The following FRY variants were observed in gnomAD, a reference collection of about 807,000 sequenced individuals.
The protein encoded by FRY is protein furry homolog.
In FRY, 128 loss-of-function variants were observed where a neutral mutation model predicts 348.4. That is an observed-to-expected ratio of 0.37 (90% confidence interval 0.32 to 0.43). The LOEUF is 0.43. FRY is among the 20% of genes least tolerant of loss of function. FRY has a pLI of 1.00. For synonymous variants in FRY, 1,370 were observed against 1,374.7 expected (o/e 1.00, Z 0.08); for missense variants, 2,736 against 3,695.2 (o/e 0.74, Z 6.73).
At chr13:32,294,864 C>G (rs1194494952) in intron 60 of FRY, among the ~76,000 whole-genome samples, 2 of 151,988 alleles carry the variant, frequency 1.3e-5, no homozygotes, top group African/African-American at 4.8e-5. Context: ...TGGTTTTGCC[C>G]CTACATTCTG....
chr13:32,161,332 C>T (rs1487559070), intron 17 of FRY, 81 bp downstream of exon 17: 1 of 923,058 alleles, frequency 1.1e-6, no homozygotes, highest in Non-Finnish European at 1.8e-6. Context: ...TGGTAGTTTA[C>T]AATTAACAAA....
rs751820687 is a variant in FRY, at chr13:32,274,772, C to T, written c.8137-70C>T. ...AATATAAAAAAAGAAGCTACCCCTC[C>T]CCCAAAATATGTTTTATCATATATA... On this transcript the variant is annotated intron_variant, in intron 55 of 60. Coordinates refer to ENST00000542859, the MANE Select transcript of FRY (RefSeq NM_023037.3). 25 of 1,118,496 alleles carry T rather than the reference C, an allele frequency of 2.2e-5. No individual in the cohort carries two copies. The Admixed American group carries it at 3.3e-4, about 15-fold the overall frequency. 69.3% of individuals were successfully genotyped at this position (1,118,496 alleles called of 1,614,324 possible).
At chr13:32,176,653 C>T (rs914653249) in intron 20 of FRY, among the ~76,000 whole-genome samples, 11 of 152,158 alleles carry the variant, frequency 7.2e-5, no homozygotes, top group Non-Finnish European at 1.2e-4. Flanking sequence ...GTTTAATGTA[C>T]GTATCCTACT....
intron 5 of FRY, 98 bp downstream of exon 5, chr13:32,124,474 C>A (rs1878902607): frequency 1.1e-6 from 1 of 873,578 alleles, no homozygotes. Flanking sequence ...TTTCTGAATT[C>A]CAAATACTGG....
At position 32,234,689 on chromosome 13, in the gene FRY, G is replaced by C. The variant is rs1290326160; in HGVS notation, c.5643G>C (p.Leu1881=). ...FQIFRALKQP[L]SAHALSDLLS... ...TATTCCGGGCCCTCAAGCAACCTCT[G>C]TCAGCACATGCCTTATCTGACCTTC... The change falls in exon 42 of 61, where the codon CTG becomes CTC. Residue 1881 remains leucine (L), a synonymous_variant. Coordinates refer to ENST00000542859, the MANE Select transcript of FRY (RefSeq NM_023037.3). 6.2e-7 allele frequency: 1 copy of C among 1,614,100 alleles called. No individual in the cohort carries two copies. The highest frequency in any genetic ancestry group is 8.5e-7 in the Non-Finnish European group (1 of 1,180,018).
chr13:32,127,552 C>T (rs556118985), intron 7 of FRY, among the ~76,000 whole-genome samples: 18 of 152,000 alleles, frequency 1.2e-4, no homozygotes, highest in African/African-American at 1.9e-4. Context: ...CCAAGGTGGG[C>T]GGATCACAAG....
chr13:32,200,401 ACT>A (rs1487274800), intron 29 of FRY, among the ~76,000 whole-genome samples: 1 of 152,188 alleles, frequency 6.6e-6, no homozygotes, highest in African/African-American at 2.4e-5. Context: ...AATAGCAGTA[ACT>A]CACCTTCTAC....
intron 29 of FRY, among the ~76,000 whole-genome samples, chr13:32,194,968 TAG>T (rs1883588404): frequency 6.6e-6 from 1 of 152,318 alleles, no homozygotes; most frequent in South Asian, 2.1e-4. Flanking sequence ...AATATTCATA[TAG>T]AGTGTCAATT....
At chr13:32,194,058 T>C (rs1344880159) in intron 28 of FRY, 85 bp from the exon 29 acceptor site, 1 of 1,324,578 alleles carries the variant, frequency 7.5e-7, no homozygotes, top group Non-Finnish European at 1.1e-6. Context: ...TTACTCAGTT[T>C]ATATTGACTA....
In FRY at chr13:32,234,746, T is replaced by C. The variant is rs1886132786; in HGVS notation, c.5700T>C (p.His1900=). 1.2e-6 allele frequency: 2 copies of C among 1,614,092 alleles called. No individual in the cohort carries two copies. Among genetic ancestry groups the C allele is most frequent in the Non-Finnish European group, 1.7e-6 (2 of 1,179,928 alleles). Residue 1900 remains histidine, a synonymous_variant, in exon 42 of 61, where the codon CAT becomes CAC. Coordinates refer to ENST00000542859, the MANE Select transcript of FRY (RefSeq NM_023037.3). ...GATTGGTGGAGGTGATAGGAGAACA[T>C]GGAGATGAGATTCAGGTATGGAAGG... is the stretch of plus-strand genomic sequence containing the variant. ...LSRLVEVIGE[H]GDEIQGYVME...
chr13:32,233,023 G>A (rs558543891), intron 41 of FRY, among the ~76,000 whole-genome samples: 1 of 152,114 alleles, frequency 6.6e-6, no homozygotes, highest in South Asian at 2.1e-4. Context: ...AATAGGTTAA[G>A]TAAACAAACC....
intron 53 of FRY, 89 bp downstream of exon 53, chr13:32,262,564 C>A: frequency 2.1e-6 from 2 of 968,984 alleles, no homozygotes; most frequent in South Asian, 1.3e-5. Flanking sequence ...CTTAAGGGGT[C>A]TCAAGTAGAA....
intron 59 of FRY, among the ~76,000 whole-genome samples, chr13:32,290,754 G>A (rs930132793): frequency 1.1e-4 from 16 of 151,986 alleles, no homozygotes; most frequent in African/African-American, 3.9e-4. Flanking sequence ...TGGGACAGAA[G>A]CGCTAGGTAT....
chr13:32,247,226 T>G, intron 47 of FRY, 97 bp from the exon 48 acceptor site: 2 of 981,970 alleles, frequency 2.0e-6, no homozygotes, highest in Non-Finnish European at 3.2e-6. Context: ...GTCAGTGAAT[T>G]CTGACTGGTC....
chr13:32,180,072 T>C (rs920930302), intron 23 of FRY, among the ~76,000 whole-genome samples: 2 of 152,242 alleles, frequency 1.3e-5, no homozygotes, highest in Non-Finnish European at 2.9e-5. Context: ...AAAATGAAGA[T>C]AGTTCAGTAT....
intron 55 of FRY, among the ~76,000 whole-genome samples, chr13:32,268,721 C>G (rs1457828142): frequency 6.6e-6 from 1 of 151,308 alleles, no homozygotes; most frequent in Non-Finnish European, 1.5e-5. Context: ...GTCGCCCATG[C>G]TGGAGTGCAG....
chr13:32,179,598 A>C lies in FRY; in HGVS notation c.2872-77A>C, dbSNP rs966020605. 2.7e-6 allele frequency: 4 copies of C among 1,490,860 alleles called. No homozygotes were observed. In the African/African-American group the frequency reaches 5.6e-5, roughly 21 times the overall value. The allele number at this position is 1,490,860 out of a possible 1,614,324, so 92.4% of individuals were successfully genotyped here. On this transcript the variant is annotated intron_variant, in intron 22 of 60. Coordinates refer to ENST00000542859, the MANE Select transcript of FRY (RefSeq NM_023037.3). ...TGGTTCAGTACTTTGAAACTGTTAT[A>C]ATGGGATCATCCTTTGATTAAAGGA... is the stretch of plus-strand genomic sequence containing the variant.
At chr13:32,284,212 T>C (rs1276127739) in intron 58 of FRY, among the ~76,000 whole-genome samples, 2 of 152,240 alleles carry the variant, frequency 1.3e-5, no homozygotes, top group Non-Finnish European at 2.9e-5. Context: ...TACAATAATT[T>C]ATATTTAGCC....
At chr13:32,138,625 A>G (rs553941199) in intron 11 of FRY, among the ~76,000 whole-genome samples, 10 of 152,330 alleles carry the variant, frequency 6.6e-5, no homozygotes, top group African/African-American at 2.2e-4. Flanking sequence ...TCAAGCACTA[A>G]GATTTCTAAG....
Sources: allele counts gnomAD v4.1 joint callset (sites outside exome capture counted in the v4.1 genomes callset), GRCh38; gene constraint gnomAD v4.1.1; transcripts MANE v1.5; gene names NCBI Gene and HGNC (gene_info 2026-07-23, HGNC 2026-07-21).